Variants in TMF1 observed in about 807,000 individuals in gnomAD.
TMF1 encodes TATA element modulatory factor 1, also known as TATA element modulatory factor.
TMF1 carries 71 observed loss-of-function variants against 126.5 expected under a neutral mutation model. The ratio of observed to expected loss-of-function variants is 0.56; its 90% CI spans 0.46 to 0.68. The LOEUF (loss-of-function observed/expected upper bound fraction) is 0.68, where lower values mean the gene tolerates loss of function less well. Among genes scored for constraint, TMF1 ranks in the 30% least tolerant of loss-of-function variants. The pLI is 0.00. For synonymous variants in TMF1, 461 were observed against 430.5 expected (o/e 1.07, Z -0.88); for missense variants, 1,259 against 1,253.2 (o/e 1.00, Z -0.07).
intron 1 of TMF1, among the ~76,000 whole-genome samples, chr3:69,051,656 G>C (rs764002680): frequency 1.3e-5 from 2 of 152,060 alleles, no homozygotes; most frequent in African/African-American, 2.4e-5. Flanking sequence ...TGCGTCGAGG[G>C]AGAGCTTGAG....
chr3:69,036,300 A>G (rs1488445482), intron 8 of TMF1, among the ~76,000 whole-genome samples: 4 of 152,032 alleles, frequency 2.6e-5, no homozygotes, highest in African/African-American at 9.7e-5. Flanking sequence ...ATCAATAAGA[A>G]AGAGCTGAAA....
Position 69,047,762 on chromosome 3 carries a change from C to T in TMF1, c.943G>A (p.Glu315Lys). 6.2e-7 allele frequency: 1 copy of T among 1,614,072 alleles called. No homozygotes were observed. ...AAAGCATCAGATGAACAGCAACTCTCAGTGAGTTTTTGGAAATCATCTAAA... is the reference window on the plus strand; with the variant it reads ...AAAGCATCAGATGAACAGCAACTCTTAGTGAGTTTTTGGAAATCATCTAAA... ...NRLDDFQKLTESCCSSDAFER... is the reference protein window; with the variant it reads ...NRLDDFQKLTKSCCSSDAFER... Residue 315 changes from glutamate to lysine, a missense_variant, in exon 2 of 17, where the codon GAG becomes AAG. By Grantham distance (56) the Glu-to-Lys change is moderately conservative (BLOSUM62 1). Coordinates refer to ENST00000398559, the MANE Select transcript of TMF1 (RefSeq NM_007114.3).
chr3:69,028,762 T>C (rs1159783234), intron 11 of TMF1, among the ~76,000 whole-genome samples: 2 of 152,168 alleles, frequency 1.3e-5, no homozygotes, highest in Non-Finnish European at 2.9e-5. Flanking sequence ...TAATCTCAGA[T>C]AGATGGATTT....
chr3:69,029,960 C>A lies in TMF1; in HGVS notation c.2449G>T (p.Ala817Ser). Residue 817 changes from alanine (A) to serine (S), a missense_variant, in exon 11 of 17, where the codon GCT becomes TCT. By Grantham distance (99) the Ala-to-Ser change is moderately conservative (BLOSUM62 1). Transcript: ENST00000398559. ...TTGTTAGCAAGGAGTTCTTCTGTAG[C>A]TGCACGTTCTCTCTCAACTGCTGCT... is the stretch of plus-strand genomic sequence containing the variant. The part of the protein sequence containing the change: ...LAAAVERERA[A>S]TEELLANKIQ... 6.2e-7 allele frequency: 1 copy of A among 1,614,102 alleles called. No individual in the cohort carries two copies. The highest frequency in any genetic ancestry group is 8.5e-7 in the Non-Finnish European group (1 of 1,179,990).
At chr3:69,046,539 A>G (rs188683027) in intron 2 of TMF1, among the ~76,000 whole-genome samples, 9 of 152,352 alleles carry the variant, frequency 5.9e-5, no homozygotes, top group Admixed American at 3.9e-4. Flanking sequence ...AAGTAATTCA[A>G]TACATGGCAC....
intron 9 of TMF1, 31 bp downstream of exon 9, chr3:69,034,992 G>C: frequency 6.5e-7 from 1 of 1,549,478 alleles, no homozygotes; most frequent in Non-Finnish European, 8.9e-7. Flanking sequence ...CATACTTCTT[G>C]GATTTGTGTT....
intron 1 of TMF1, among the ~76,000 whole-genome samples, chr3:69,050,707 G>A (rs2091922502): frequency 6.6e-6 from 1 of 152,174 alleles, no homozygotes; most frequent in African/African-American, 2.4e-5. Flanking sequence ...AAAAAGTAAA[G>A]AGGATCATCA....
chr3:69,035,153 A>G (rs1365438859), intron 8 of TMF1, 38 bp from the exon 9 acceptor site: 4 of 1,539,932 alleles, frequency 2.6e-6, no homozygotes, highest in Non-Finnish European at 2.7e-6. Flanking sequence ...AAACAATGGT[A>G]CAGTATTATC....
intron 9 of TMF1, 80 bp downstream of exon 9, chr3:69,034,943 A>G (rs1218308849): frequency 7.9e-7 from 1 of 1,265,458 alleles, no homozygotes; most frequent in African/African-American, 1.5e-5. Context: ...TTCCATGAAC[A>G]CTATCCCACT....
At position 69,023,076 on chromosome 3, in the gene TMF1, C is replaced by A; in HGVS notation, c.*101G>T. On this transcript the variant is annotated 3_prime_UTR_variant, in exon 17 of 17. Coordinates refer to ENST00000398559, the MANE Select transcript of TMF1 (RefSeq NM_007114.3). Reference sequence around the variant, plus strand: ...AAAATTTTTACACTCTACAGTAAATCCCACTTTCTAATTCTATAAAAGAAT... The same window carrying A: ...AAAATTTTTACACTCTACAGTAAATACCACTTTCTAATTCTATAAAAGAAT... 1 of 1,179,650 alleles carries A rather than the reference C, an allele frequency of 8.5e-7. No individual in the cohort carries two copies. Among genetic ancestry groups the A allele is most frequent in the East Asian group, 2.5e-5 (1 of 39,604 alleles). 73.1% of individuals were successfully genotyped at this position (1,179,650 alleles called of 1,614,324 possible).
intron 15 of TMF1, 114 bp from the exon 16 acceptor site, chr3:69,024,294 A>G: frequency 1.1e-6 from 1 of 920,434 alleles, no homozygotes; most frequent in Non-Finnish European, 1.6e-6. Flanking sequence ...TGAAATAGAC[A>G]TGTCAACATA....
intron 1 of TMF1, 86 bp downstream of exon 1, chr3:69,051,859 G>A: frequency 7.0e-7 from 1 of 1,438,048 alleles, no homozygotes; most frequent in East Asian, 2.5e-5. Flanking sequence ...CAGCAAGGAA[G>A]GACCCCTCTC....
chr3:69,042,005 T>A (rs1312481312), intron 5 of TMF1, among the ~76,000 whole-genome samples: 1 of 152,180 alleles, frequency 6.6e-6, no homozygotes, highest in Non-Finnish European at 1.5e-5. Flanking sequence ...CATGAATAGA[T>A]CTTTAATTTC....
Position 69,026,667 on chromosome 3 carries a change from T to G in TMF1, c.2758-570A>C, listed in dbSNP as rs545703520. On this transcript the variant is annotated intron_variant, in intron 13 of 16. Transcript: ENST00000398559. The stretch of plus-strand genomic sequence containing the variant: ...AAGTACAATATTTACTAATTAAAAC[T>G]GTAGCTAGACTTGGTTAGATCATCA... 7.3e-5 allele frequency among the ~76,000 whole-genome samples: 11 copies of G among 151,104 alleles called. 1 individual carries two copies. In the South Asian group the frequency reaches 2.1e-3, roughly 28 times the overall value.
intron 5 of TMF1, chr3:69,040,554 G>A (rs534094615): frequency 1.3e-5 from 2 of 152,362 alleles, no homozygotes; most frequent in African/African-American, 2.4e-5. Context: ...AACACCTGAT[G>A]AATCTAGGTG....
At position 69,052,192 on chromosome 3, in the gene TMF1, G is replaced by A. The variant is rs369422334; in HGVS notation, c.-106C>T. The A allele has an allele frequency of 2.3e-6, 3 of 1,316,200 alleles. No individual in the cohort carries two copies. The highest frequency in any genetic ancestry group is 2.0e-6 in the Non-Finnish European group (2 of 982,296). The allele number at this position is 1,316,200 out of a possible 1,614,324, so 81.5% of individuals were successfully genotyped here. A position where few individuals can be genotyped will look rare whatever the true frequency, so the allele number is the denominator to read the frequency against. On this transcript the variant is annotated 5_prime_UTR_variant, in exon 1 of 17. Coordinates refer to ENST00000398559, the MANE Select transcript of TMF1 (RefSeq NM_007114.3). ...TTCGCTCCCCTTTTCCACTCGGCTG[G>A]TTCTGTCAGCGTGTGGCCATTACCC...
In TMF1 at chr3:69,020,363, G is replaced by GT. The variant is rs1157811757; in HGVS notation, c.*2813_*2814insA. 3 of 152,122 alleles carry GT rather than the reference G, an allele frequency of 2.0e-5. No individual in the cohort carries two copies. Among genetic ancestry groups the GT allele is most frequent in the African/African-American group, 7.2e-5 (3 of 41,456 alleles). 9.4% of individuals were successfully genotyped at this position (152,122 alleles called of 1,614,324 possible). A position where few individuals can be genotyped will look rare whatever the true frequency, so the allele number is the denominator to read the frequency against. ...CAAAAAATAGGTAAAAGAAATGTAA[G>GT]AAATGGTAGACTCAGTTTAGCCTCC... On this transcript the variant is annotated 3_prime_UTR_variant, in exon 17 of 17. Coordinates refer to ENST00000398559, the MANE Select transcript of TMF1 (RefSeq NM_007114.3).
chr3:69,052,252 G>C lies in TMF1; in HGVS notation c.-166C>G, dbSNP rs752114256. The C allele has an allele frequency of 2.0e-5, 14 of 701,552 alleles. No homozygotes were observed. Among genetic ancestry groups the C allele is most frequent in the Non-Finnish European group, 2.9e-5 (13 of 450,076 alleles). 43.5% of individuals were successfully genotyped at this position (701,552 alleles called of 1,614,324 possible). ...CCCGCGAGCCCGGGATGTTACCCTC[G>C]GCCGTTCCCGCACAGCTGAGACGAA... On this transcript the variant is annotated 5_prime_UTR_variant, in exon 1 of 17. Transcript: ENST00000398559.
chr3:69,044,613 A>G lies in TMF1; in HGVS notation c.1348-18T>C, dbSNP rs200424101. On this transcript the variant is annotated intron_variant, in intron 2 of 16. Transcript: ENST00000398559. Reference sequence around the variant, plus strand: ...TCAACTGTCTGGATAAGGCGAATACATAAAAGTCAGAACGCTTAGCTTTAA... The same window carrying G: ...TCAACTGTCTGGATAAGGCGAATACGTAAAAGTCAGAACGCTTAGCTTTAA... 10 of 1,545,124 alleles carry G rather than the reference A, an allele frequency of 6.5e-6. No individual in the cohort carries two copies. The highest frequency in any genetic ancestry group is 3.8e-5 in the Admixed American group (2 of 52,176).
Sources: gnomAD v4.1 joint callset for allele counts (sites outside exome capture counted in the v4.1 genomes callset) on GRCh38, gnomAD v4.1.1 for gene constraint, MANE v1.5 for transcripts, NCBI Gene and HGNC (gene_info 2026-07-23, HGNC 2026-07-21) for gene names.